Variants in AR observed in about 807,000 individuals in gnomAD.
AR encodes the protein androgen receptor.
In AR, 8 loss-of-function variants were observed where a neutral mutation model predicts 53.9. The observed-to-expected ratio is 0.15, with a 90% CI of 0.09 to 0.27. The LOEUF (loss-of-function observed/expected upper bound fraction) is 0.27, where lower values mean the gene tolerates loss of function less well. AR is among the 10% of genes least tolerant of loss of function. AR has a pLI of 1.00. For missense variants in AR, 639 were observed against 742.5 expected (o/e 0.86, Z 1.62); for synonymous variants, 359 against 316.4 (o/e 1.13, Z -1.43).
intron 1 of AR, among the ~76,000 whole-genome samples, chrX:67,632,127 T>C (rs1925173223): frequency 9.1e-6 from 1 of 110,365 alleles, no homozygotes; most frequent in Non-Finnish European, 1.9e-5. Context: ...GTGAAGCCTA[T>C]AGAGGCAGGC....
chrX:67,708,409 A>C (rs771475577), intron 3 of AR, among the ~76,000 whole-genome samples: 89 of 111,459 alleles, frequency 8.0e-4, no homozygotes, highest in Non-Finnish European at 1.5e-3. Flanking sequence ...TCAATCACTG[A>C]TACCCTTTTT....
At chrX:67,697,071 G>T (rs1240605672) in intron 3 of AR, among the ~76,000 whole-genome samples, 1 of 111,716 alleles carries the variant, frequency 9.0e-6, no homozygotes, top group African/African-American at 3.3e-5. Flanking sequence ...AACAAAATTT[G>T]ATGCAGAGTC....
intron 1 of AR, among the ~76,000 whole-genome samples, chrX:67,614,956 A>C (rs763543241): frequency 1.8e-5 from 2 of 111,238 alleles, no homozygotes; most frequent in East Asian, 5.7e-4. Context: ...GAAATGAAAA[A>C]TTCACTAGAA....
At chrX:67,717,087 G>A (rs1178274447) in intron 4 of AR, among the ~76,000 whole-genome samples, 1 of 111,703 alleles carries the variant, frequency 9.0e-6, no homozygotes, top group African/African-American at 3.3e-5. Context: ...AGAGTTAAAT[G>A]TACCCCATAA....
rs1295350572 is a variant in AR at position 67,724,835 on chromosome X, A to C, written c.*994A>C. The C allele has an allele frequency of 5.8e-6, 1 of 173,430 alleles. No individual in the cohort carries two copies. Among genetic ancestry groups the C allele is most frequent in the Non-Finnish European group, 1.1e-5 (1 of 91,421 alleles). The allele number at this position is 173,430 out of a possible 1,213,427, so 14.3% of individuals were successfully genotyped here. On this transcript the variant is annotated 3_prime_UTR_variant, in exon 8 of 8. Transcript: ENST00000374690. Reference sequence around the variant, plus strand: ...CCAAAACTTGGCGACTTCCACAGAAAAGTCTGACCACTGAGAAGAAGGAGA... The same window carrying C: ...CCAAAACTTGGCGACTTCCACAGAACAGTCTGACCACTGAGAAGAAGGAGA...
intron 1 of AR, chrX:67,568,735 A>C: frequency 2.5e-6 from 1 of 395,340 alleles, no homozygotes; most frequent in Non-Finnish European, 3.2e-6. Context: ...TCAGGAGGGT[A>C]TGTTAGTTTG....
chrX:67,561,048 C>T (rs1245582671), intron 1 of AR, among the ~76,000 whole-genome samples: 4 of 112,003 alleles, frequency 3.6e-5, no homozygotes, highest in Admixed American at 9.5e-5. Flanking sequence ...TTTTTTCTTT[C>T]TCCATCAATA....
At chrX:67,572,732 T>A (rs960924433) in intron 1 of AR, among the ~76,000 whole-genome samples, 1 of 111,331 alleles carries the variant, frequency 9.0e-6, no homozygotes, top group Non-Finnish European at 1.9e-5. Context: ...GACTGCAGGG[T>A]AAGCCTTGAG....
chrX:67,648,482 G>C (rs1210079408), intron 2 of AR, among the ~76,000 whole-genome samples: 1 of 111,636 alleles, frequency 9.0e-6, no homozygotes, highest in African/African-American at 3.3e-5. Flanking sequence ...GAGGCCAGCA[G>C]AGTTGTGGAT....
At chrX:67,659,666 C>G (rs1380968196) in intron 2 of AR, among the ~76,000 whole-genome samples, 3 of 111,711 alleles carry the variant, frequency 2.7e-5, no homozygotes, top group East Asian at 2.8e-4. Context: ...TGAATAGTGC[C>G]ATGATAAACA....
intron 3 of AR, among the ~76,000 whole-genome samples, chrX:67,686,457 G>A (rs2075967640): frequency 9.0e-6 from 1 of 111,700 alleles, no homozygotes; most frequent in Non-Finnish European, 1.9e-5. Flanking sequence ...ATGTTGTTCA[G>A]TGGTAGCTAG....
intron 1 of AR, among the ~76,000 whole-genome samples, chrX:67,592,642 A>AG (rs1302316792): frequency 9.2e-6 from 1 of 108,736 alleles, no homozygotes; most frequent in Non-Finnish European, 1.9e-5. Context: ...CCCAGAAAAA[A>AG]AAAAAACTTT....
intron 1 of AR, among the ~76,000 whole-genome samples, chrX:67,629,026 G>A (rs185861609): frequency 9.0e-6 from 1 of 111,537 alleles, no homozygotes; most frequent in African/African-American, 3.3e-5. Context: ...ATGTGCTGCT[G>A]GATTCCGTTT....
chrX:67,558,733 C>T (rs750746059), intron 1 of AR, among the ~76,000 whole-genome samples: 17 of 112,202 alleles, frequency 1.5e-4, no homozygotes, highest in Non-Finnish European at 2.6e-4. Flanking sequence ...TGCTACAAAC[C>T]TGGGCAATTC....
At chrX:67,599,201 C>T (rs1396736937) in intron 1 of AR, among the ~76,000 whole-genome samples, 3 of 111,788 alleles carry the variant, frequency 2.7e-5, no homozygotes, top group East Asian at 2.8e-4. Context: ...ATCTAAGTTA[C>T]GTAGGTAATA....
chrX:67,658,884 C>G (rs913066707), intron 2 of AR, among the ~76,000 whole-genome samples: 2 of 111,787 alleles, frequency 1.8e-5, no homozygotes, highest in Non-Finnish European at 3.8e-5. Flanking sequence ...GGAGTAGAGG[C>G]AGCTTTGTCT....
intron 1 of AR, among the ~76,000 whole-genome samples, chrX:67,621,689 C>A (rs1700771312): frequency 9.0e-6 from 1 of 111,299 alleles, no homozygotes; most frequent in Non-Finnish European, 1.9e-5. Flanking sequence ...GACATGAACC[C>A]ATCCTTTTTT....
chrX:67,629,094 TTC>T (rs1012048744), intron 1 of AR, among the ~76,000 whole-genome samples: 3 of 111,609 alleles, frequency 2.7e-5, no homozygotes, highest in African/African-American at 9.8e-5. Flanking sequence ...TGGTCTAAAA[TTC>T]TCTTTTTTGG....
intron 1 of AR, among the ~76,000 whole-genome samples, chrX:67,574,175 C>T (rs374783755): frequency 8.9e-6 from 1 of 111,820 alleles, no homozygotes; most frequent in Non-Finnish European, 1.9e-5. Flanking sequence ...AAGGCCTATG[C>T]GACACCACCC....
Sources: allele counts gnomAD v4.1 joint callset (sites outside exome capture counted in the v4.1 genomes callset), GRCh38; gene constraint gnomAD v4.1.1; transcripts MANE v1.5; gene names NCBI Gene and HGNC (gene_info 2026-07-23, HGNC 2026-07-21).